RPS6KC1: variants seen among roughly 807,000 people sequenced by gnomAD.
RPS6KC1 encodes the protein ribosomal protein S6 kinase C1.
Under a neutral mutation model 103.8 loss-of-function variants are expected in RPS6KC1, and 54 were observed. The ratio of observed to expected loss-of-function variants is 0.52; its 90% confidence interval spans 0.42 to 0.65. The LOEUF (loss-of-function observed/expected upper bound fraction) is 0.65, where lower values mean the gene tolerates loss of function less well. Ranked by LOEUF, RPS6KC1 falls within the 30% of genes least tolerant of loss-of-function variation. The probability of loss-of-function intolerance (pLI) is 0.00; values close to 1 mark genes in which losing one functional copy is unlikely to be tolerated. For synonymous variants in RPS6KC1, 439 were observed against 438.7 expected (o/e 1.00, Z -0.01); for missense variants, 1,151 against 1,253.8 (o/e 0.92, Z 1.24).
intron 12 of RPS6KC1, among the ~76,000 whole-genome samples, chr1:213,243,989 G>A (rs1039194350): frequency 1.3e-5 from 2 of 152,030 alleles, no homozygotes; most frequent in African/African-American, 4.8e-5. Context: ...ATCCTAAAAC[G>A]TTCCTGAAAG....
intron 8 of RPS6KC1, among the ~76,000 whole-genome samples, chr1:213,220,798 A>G (rs2093811414): frequency 6.6e-6 from 1 of 152,260 alleles, no homozygotes; most frequent in Non-Finnish European, 1.5e-5. Flanking sequence ...CAATAAATGT[A>G]TGCCAGTTAT....
intron 8 of RPS6KC1, among the ~76,000 whole-genome samples, chr1:213,188,218 A>ATTCC (rs2092611330): frequency 6.6e-6 from 1 of 151,882 alleles, no homozygotes; most frequent in East Asian, 1.9e-4. Context: ...TAAGGTGGGG[A>ATTCC]CAAGTCTCCT....
At chr1:213,806,835 G>A in the RPS6KC1 span, among the ~76,000 whole-genome samples, 1 of 150,590 alleles carries the variant, frequency 6.6e-6, no homozygotes, top group South Asian at 2.1e-4. Context: ...ATGTTAGCTG[G>A]TTATTTTGCT....
chr1:213,834,488 C>T, the RPS6KC1 span, among the ~76,000 whole-genome samples: 13 of 152,288 alleles, frequency 8.5e-5, no homozygotes, highest in African/African-American at 3.1e-4. Flanking sequence ...TCACTAAAAG[C>T]ATTTTCCTTT....
intron 8 of RPS6KC1, among the ~76,000 whole-genome samples, chr1:213,217,928 C>G (rs575965809): frequency 1.6e-4 from 24 of 152,238 alleles, no homozygotes; most frequent in African/African-American, 5.5e-4. Context: ...ACTGAATGGG[C>G]AAAACCTGGA....
At chr1:213,673,561 C>T in the RPS6KC1 span, among the ~76,000 whole-genome samples, 2 of 152,186 alleles carry the variant, frequency 1.3e-5, no homozygotes, top group Admixed American at 6.5e-5. Context: ...AGGTCAGGAA[C>T]TCCTACAAGC....
the RPS6KC1 span, among the ~76,000 whole-genome samples, chr1:213,416,364 G>A: frequency 6.6e-6 from 1 of 152,244 alleles, no homozygotes; most frequent in African/African-American, 2.4e-5. Flanking sequence ...CAGAGAAAGT[G>A]ATCTCTGAAT....
At chr1:213,804,123 T>A in the RPS6KC1 span, among the ~76,000 whole-genome samples, 21 of 109,670 alleles carry the variant, frequency 1.9e-4, no homozygotes, top group East Asian at 2.2e-3. Flanking sequence ...TAAAAAAAAA[T>A]TTACAAAAAT....
At chr1:213,788,571 G>A in the RPS6KC1 span, among the ~76,000 whole-genome samples, 1 of 152,034 alleles carries the variant, frequency 6.6e-6, no homozygotes, top group African/African-American at 2.4e-5. Flanking sequence ...ACATTTATCA[G>A]TTCCATGCAG....
intron 8 of RPS6KC1, among the ~76,000 whole-genome samples, chr1:213,225,035 A>G (rs1367649017): frequency 1.3e-5 from 2 of 152,252 alleles, no homozygotes; most frequent in Non-Finnish European, 2.9e-5. Context: ...GAATGGCTCT[A>G]TAAATAACTT....
chr1:213,598,314 T>G, the RPS6KC1 span, among the ~76,000 whole-genome samples: 49 of 152,308 alleles, frequency 3.2e-4, no homozygotes, highest in Non-Finnish European at 5.6e-4. Context: ...AAATAGAATT[T>G]CTTTCTGTGC....
the RPS6KC1 span, among the ~76,000 whole-genome samples, chr1:213,450,085 G>A: frequency 6.6e-6 from 1 of 152,156 alleles, no homozygotes; most frequent in Non-Finnish European, 1.5e-5. Context: ...TTGCAAAATG[G>A]AGATGATAGT....
At chr1:213,317,084 A>C in the RPS6KC1 span, among the ~76,000 whole-genome samples, 2 of 152,206 alleles carry the variant, frequency 1.3e-5, no homozygotes, top group Non-Finnish European at 2.9e-5. Context: ...TAAAATCGGA[A>C]GTATGTTTCA....
At chr1:213,529,831 G>A in the RPS6KC1 span, among the ~76,000 whole-genome samples, 1 of 152,116 alleles carries the variant, frequency 6.6e-6, no homozygotes, top group East Asian at 1.9e-4. Context: ...TTTGTGAATT[G>A]AATTGATTAG....
chr1:213,283,748 A>G, the RPS6KC1 span, among the ~76,000 whole-genome samples: 2 of 152,230 alleles, frequency 1.3e-5, no homozygotes, highest in Non-Finnish European at 2.9e-5. Flanking sequence ...TTAAAAGGGA[A>G]TAGTCTAGGG....
chr1:213,442,605 T>G, the RPS6KC1 span, among the ~76,000 whole-genome samples: 5 of 152,216 alleles, frequency 3.3e-5, no homozygotes, highest in Non-Finnish European at 4.4e-5. Flanking sequence ...TGGAGAGGAT[T>G]AACTACTACA....
the RPS6KC1 span, among the ~76,000 whole-genome samples, chr1:213,531,754 C>T: frequency 6.6e-6 from 1 of 152,218 alleles, no homozygotes; most frequent in African/African-American, 2.4e-5. Context: ...TTTTCTCTGG[C>T]TTAGAGATAA....
the RPS6KC1 span, among the ~76,000 whole-genome samples, chr1:213,717,329 A>G: frequency 6.6e-6 from 1 of 152,248 alleles, no homozygotes; most frequent in Non-Finnish European, 1.5e-5. Context: ...AGGGCATTAC[A>G]CAGCAGGGGT....
At chr1:213,236,760 AC>A (rs1285123662) in intron 10 of RPS6KC1, among the ~76,000 whole-genome samples, 1 of 152,282 alleles carries the variant, frequency 6.6e-6, no homozygotes, top group Non-Finnish European at 1.5e-5. Context: ...AAATTAAAAG[AC>A]AGAAGTTGCA....
Sources: allele counts gnomAD v4.1 joint callset (sites outside exome capture counted in the v4.1 genomes callset), GRCh38; gene constraint gnomAD v4.1.1; transcripts MANE v1.5; gene names NCBI Gene and HGNC (gene_info 2026-07-23, HGNC 2026-07-21).